Variants in FOXO1 observed in about 807,000 individuals in gnomAD.
FOXO1 encodes forkhead box protein O1.
In FOXO1, 6 loss-of-function variants were observed where a neutral mutation model predicts 44.1. The observed-to-expected ratio is 0.14, with a 90% CI of 0.07 to 0.27. The LOEUF (loss-of-function observed/expected upper bound fraction) is 0.27, where lower values mean the gene tolerates loss of function less well. Ranked by LOEUF, FOXO1 falls within the 10% of genes least tolerant of loss-of-function variation. FOXO1 has a pLI of 1.00. For synonymous variants in FOXO1, 380 were observed against 362.7 expected (o/e 1.05, Z -0.54); for missense variants, 737 against 888.8 (o/e 0.83, Z 2.17).
At chr13:40,603,353 CAAAAAAAAAAAA>C (rs60741629) in intron 1 of FOXO1, among the ~76,000 whole-genome samples, 18 of 73,976 alleles carry the variant, frequency 2.4e-4, no homozygotes, top group Non-Finnish European at 4.6e-4. Flanking sequence ...CAGATGAATC[CAAAAAAAAAAAA>C]AAAAAAAAAG....
intron 1 of FOXO1, chr13:40,618,704 T>C: frequency 4.8e-6 from 2 of 414,564 alleles, no homozygotes; most frequent in East Asian, 6.0e-5. Flanking sequence ...TAAAAGCATA[T>C]TGAAAGGAAA....
At chr13:40,643,453 C>T (rs541220585) in intron 1 of FOXO1, among the ~76,000 whole-genome samples, 1 of 152,010 alleles carries the variant, frequency 6.6e-6, no homozygotes, top group African/African-American at 2.4e-5. Context: ...CTCCCGAGTA[C>T]AGCTATACAG....
At chr13:40,630,005 C>A (rs1349061176) in intron 1 of FOXO1, among the ~76,000 whole-genome samples, 1 of 152,224 alleles carries the variant, frequency 6.6e-6, no homozygotes, top group East Asian at 1.9e-4. Flanking sequence ...CCTTTAACTA[C>A]ATTACATCTA....
intron 2 of FOXO1, among the ~76,000 whole-genome samples, chr13:40,559,281 G>A (rs1274350109): frequency 1.3e-5 from 2 of 152,044 alleles, no homozygotes; most frequent in African/African-American, 4.8e-5. Context: ...TGCAGCCATC[G>A]AACTGTCAAA....
rs1421736553 is a variant in FOXO1 at position 40,560,075 on chromosome 13, G to A, written c.1416C>T (p.Pro472=). 6.2e-7 allele frequency: 1 copy of A among 1,613,978 alleles called. No individual in the cohort carries two copies. Among genetic ancestry groups the A allele is most frequent in the African/African-American group, 1.3e-5 (1 of 74,890 alleles). ...CAACTGGTGTCATAATGTCATTATG[G>A]GGAGGAGAGTCAGAAGTCAGCAACT... ...LKELLTSDSP[P]HNDIMTPVDP... The change falls in exon 2 of 3, where the codon CCC becomes CCT. Residue 472 remains proline, a synonymous_variant. Coordinates refer to ENST00000379561, the MANE Select transcript of FOXO1 (RefSeq NM_002015.4). This position sits in a 1 kb window ranked among gnomAD's most constrained non-coding sequence, Gnocchi z 5.1.
chr13:40,620,123 A>C, intron 1 of FOXO1: 1 of 1,259,448 alleles, frequency 7.9e-7, no homozygotes, highest in Admixed American at 1.7e-5. Flanking sequence ...GGTACTGCAT[A>C]TACCCCATTC....
At chr13:40,593,474 T>TC (rs1488466761) in intron 1 of FOXO1, among the ~76,000 whole-genome samples, 1 of 152,206 alleles carries the variant, frequency 6.6e-6, no homozygotes, top group African/African-American at 2.4e-5. Flanking sequence ...GTCACTGTCT[T>TC]CTTCCTAGGT....
chr13:40,606,573 A>G (rs779717086), intron 1 of FOXO1, among the ~76,000 whole-genome samples: 1 of 152,152 alleles, frequency 6.6e-6, no homozygotes, highest in Non-Finnish European at 1.5e-5. Context: ...TCGGCCTCCC[A>G]AAATGCCAGG....
intron 1 of FOXO1, among the ~76,000 whole-genome samples, chr13:40,598,050 A>G (rs1451494022): frequency 1.3e-5 from 2 of 152,114 alleles, no homozygotes; most frequent in African/African-American, 2.4e-5. Flanking sequence ...CTCAGTTTCA[A>G]ATCATAGGCT....
intron 1 of FOXO1, among the ~76,000 whole-genome samples, chr13:40,614,990 G>A (rs1876370452): frequency 6.6e-6 from 1 of 152,160 alleles, no homozygotes; most frequent in South Asian, 2.1e-4. Context: ...TGGCATAGGT[G>A]GGTATGCAAA....
chr13:40,643,393 C>A (rs1402509903), intron 1 of FOXO1, among the ~76,000 whole-genome samples: 1 of 151,826 alleles, frequency 6.6e-6, no homozygotes, highest in Non-Finnish European at 1.5e-5. Flanking sequence ...ATAACTTACC[C>A]GTATTTATAC....
At chr13:40,659,314 CAAAAAAAAAAAAAAA>C (rs1210028542) in intron 1 of FOXO1, among the ~76,000 whole-genome samples, 60 of 87,610 alleles carry the variant, frequency 6.8e-4, no homozygotes, top group Non-Finnish European at 1.1e-3. Flanking sequence ...GACTCCGTCT[CAAAAAAAAAAAAAAA>C]AAGAAAAGAA....
At chr13:40,614,933 A>C (rs1227540706) in intron 1 of FOXO1, among the ~76,000 whole-genome samples, 1 of 152,182 alleles carries the variant, frequency 6.6e-6, no homozygotes, top group East Asian at 1.9e-4. Context: ...TAGGAGGCAA[A>C]TCAATGTACA....
chr13:40,646,105 T>C (rs1877500505), intron 1 of FOXO1, among the ~76,000 whole-genome samples: 1 of 150,374 alleles, frequency 6.7e-6, no homozygotes, highest in Admixed American at 6.6e-5. Flanking sequence ...CTCCATTTAG[T>C]GAATAATTGA....
intron 1 of FOXO1, among the ~76,000 whole-genome samples, chr13:40,613,130 G>T (rs1374689878): frequency 6.6e-6 from 1 of 152,266 alleles, no homozygotes; most frequent in Admixed American, 6.5e-5. Context: ...AACACCTCAT[G>T]CCTGTAAACC....
intron 1 of FOXO1, among the ~76,000 whole-genome samples, chr13:40,640,513 T>G (rs1877312470): frequency 6.6e-6 from 1 of 152,228 alleles, no homozygotes; most frequent in Non-Finnish European, 1.5e-5. Flanking sequence ...CCCCAAGCCC[T>G]GAGTCTCAGG....
Position 40,560,338 on chromosome 13 carries a change from T to C in FOXO1, c.1153A>G (p.Thr385Ala), listed in dbSNP as rs1873949801. ...GACTGGGTCGAAACAGTTAATGATG[T>C]TGGTGATGAGAGAAGGTTGAGATTA... ...LDNLNLLSSP[T>A]SLTVSTQSSP... Residue 385 changes from threonine to alanine, a missense_variant, in exon 2 of 3, where the codon ACA becomes GCA. This residue lies in a region of FOXO1 where 136 missense variants were observed against 186.4 expected (regional missense o/e 0.73). Transcript: ENST00000379561. This position sits in a 1 kb window ranked among gnomAD's most constrained non-coding sequence, Gnocchi z 5.1. 1 of 1,614,170 alleles carries C rather than the reference T, an allele frequency of 6.2e-7. No individual in the cohort carries two copies.
Position 40,555,699 on chromosome 13 carries a change from G to T in FOXO1, c.*3350C>A, listed in dbSNP as rs776203754. 17 of 152,584 alleles carry T rather than the reference G, an allele frequency of 1.1e-4. No individual in the cohort carries two copies. The highest frequency in any genetic ancestry group is 2.0e-4 in the Admixed American group (3 of 15,274). 9.5% of individuals were successfully genotyped at this position (152,584 alleles called of 1,614,324 possible). ...CAAGACTTAACTCAAGTATTTAATA[G>T]CTTCACAAAAAATTCCTAATAAAGA... is the stretch of plus-strand genomic sequence containing the variant. On this transcript the variant is annotated 3_prime_UTR_variant, in exon 3 of 3. Transcript: ENST00000379561.
At chr13:40,619,854 G>A in intron 1 of FOXO1, 1 of 753,804 alleles carries the variant, frequency 1.3e-6, no homozygotes, top group Non-Finnish European at 2.5e-6. Context: ...TCAGGCAAAG[G>A]GAGGCACAAC....
Sources: allele counts gnomAD v4.1 joint callset (sites outside exome capture counted in the v4.1 genomes callset), GRCh38; gene constraint gnomAD v4.1.1; regional missense constraint gnomAD v4.1.1; non-coding constraint Gnocchi (gnomAD v3.1); transcripts MANE v1.5; gene names NCBI Gene and HGNC (gene_info 2026-07-23, HGNC 2026-07-21).